Variants in HLCS observed in about 807,000 individuals in gnomAD.
The protein encoded by HLCS is holocarboxylase synthetase, also known as biotin--protein ligase.
HLCS carries 53 observed loss-of-function variants against 75.0 expected under a neutral mutation model. The observed-to-expected ratio is 0.71, with a 90% CI of 0.57 to 0.89. The LOEUF is 0.89. Among genes scored for constraint, HLCS ranks in the 40% least tolerant of loss-of-function variants. The pLI, the probability that HLCS is intolerant of heterozygous loss-of-function variation, is 0.00. For synonymous variants in HLCS, 431 were observed against 428.6 expected (o/e 1.01, Z -0.07); for missense variants, 966 against 1,074.0 (o/e 0.90, Z 1.41).
intron 5 of HLCS, among the ~76,000 whole-genome samples, chr21:36,920,378 T>TG (rs1295052865): frequency 1.3e-5 from 2 of 148,196 alleles, no homozygotes; most frequent in Non-Finnish European, 3.0e-5. Context: ...AGTGGGAAGG[T>TG]GGGGCAGAGA....
rs539754153 is a variant in HLCS, at chr21:36,854,342, G to A, written c.1892+42518C>T. Among the ~76,000 whole-genome samples the A allele has an allele frequency of 1.3e-3, 199 of 152,264 alleles. 2 individuals carry two copies. In the South Asian group the frequency reaches 0.016, roughly 12 times the overall value. On this transcript the variant is annotated intron_variant, in intron 6 of 10. Transcript: ENST00000674895. Reference sequence around the variant, plus strand: ...CTATTACTCTACCACAGGAACAAAAGCTCCCGGGGTTCCCACCAGAGACAG... The same window carrying A: ...CTATTACTCTACCACAGGAACAAAAACTCCCGGGGTTCCCACCAGAGACAG...
chr21:36,944,569 A>AT (rs1165246947), intron 2 of HLCS, among the ~76,000 whole-genome samples: 2 of 146,268 alleles, frequency 1.4e-5, no homozygotes, highest in Non-Finnish European at 1.5e-5. Flanking sequence ...CAATTTCTTT[A>AT]TTTTTTTTCC....
intron 5 of HLCS, among the ~76,000 whole-genome samples, chr21:36,915,003 C>T (rs1035406527): frequency 1.3e-5 from 2 of 152,258 alleles, no homozygotes; most frequent in Admixed American, 6.5e-5. Context: ...CCCAGAGGTG[C>T]CCATCCTAGC....
intron 9 of HLCS, among the ~76,000 whole-genome samples, chr21:36,759,470 G>A (rs952734979): frequency 2.0e-5 from 3 of 152,228 alleles, no homozygotes; most frequent in Non-Finnish European, 4.4e-5. Flanking sequence ...AGTAGCAGGA[G>A]TGTGGAAGGA....
At chr21:36,839,478 G>A (rs142689291) in intron 6 of HLCS, among the ~76,000 whole-genome samples, 6 of 152,320 alleles carry the variant, frequency 3.9e-5, no homozygotes, top group Admixed American at 6.5e-5. Flanking sequence ...TTTGCTCACT[G>A]ATGGAGTGTA....
intron 6 of HLCS, among the ~76,000 whole-genome samples, chr21:36,856,056 C>T (rs2063181182): frequency 6.6e-6 from 1 of 151,880 alleles, no homozygotes; most frequent in African/African-American, 2.4e-5. Flanking sequence ...ACACCCAGGG[C>T]TGGTGGGTGG....
chr21:36,987,255 G>A (rs2069245301), intron 1 of HLCS, among the ~76,000 whole-genome samples: 2 of 152,114 alleles, frequency 1.3e-5, no homozygotes, highest in South Asian at 4.1e-4. Context: ...AATGCTCATT[G>A]CTACTTGGGT....
upstream of HLCS, chr21:36,966,678 G>A: frequency 2.2e-6 from 2 of 923,622 alleles, no homozygotes; most frequent in Non-Finnish European, 2.6e-6. Flanking sequence ...TTGCCCGCCC[G>A]CCCCAGCGCC....
intron 6 of HLCS, among the ~76,000 whole-genome samples, chr21:36,841,325 C>T (rs1262931946): frequency 1.3e-5 from 2 of 152,192 alleles, no homozygotes; most frequent in Non-Finnish European, 2.9e-5. Context: ...ATAGTAGAGA[C>T]AATTTACAAT....
rs557744647 is a variant in HLCS, at chr21:36,989,075, CA to C, written c.-393+1082del. Among the ~76,000 whole-genome samples, 1,103 of 150,982 alleles carry C rather than the reference CA, an allele frequency of 7.3e-3. 6 individuals carry two copies. Among genetic ancestry groups the C allele is most frequent in the Non-Finnish European group, 0.013 (864 of 67,844 alleles). Reference sequence around the variant, plus strand: ...TTTTTGAGACAGGGTCTCACTCCCTCACCCAGGCTGGAGTGCAGAGCCGCCA... The same window carrying C: ...TTTTTGAGACAGGGTCTCACTCCCTCCCCAGGCTGGAGTGCAGAGCCGCCA... On this transcript the variant is annotated intron_variant, in intron 1 of 11. Coordinates refer to the HLCS transcript ENST00000336648.
intron 6 of HLCS, among the ~76,000 whole-genome samples, chr21:36,869,399 T>G (rs2063695479): frequency 6.6e-6 from 1 of 152,212 alleles, no homozygotes; most frequent in Non-Finnish European, 1.5e-5. Context: ...CCCAAAGTGC[T>G]GGGGTTACAG....
At chr21:36,852,714 T>G (rs1195896657) in intron 6 of HLCS, among the ~76,000 whole-genome samples, 1 of 152,158 alleles carries the variant, frequency 6.6e-6, no homozygotes, top group African/African-American at 2.4e-5. Context: ...GCCTGATCGT[T>G]AAGCCATATT....
intron 6 of HLCS, among the ~76,000 whole-genome samples, chr21:36,779,036 G>A (rs1394760316): frequency 6.6e-6 from 1 of 151,814 alleles, no homozygotes; most frequent in African/African-American, 2.4e-5. Flanking sequence ...GAAAATGTGT[G>A]CATGTGTGTC....
chr21:36,874,503 T>C (rs1410362856), intron 6 of HLCS, among the ~76,000 whole-genome samples: 1 of 152,222 alleles, frequency 6.6e-6, no homozygotes, highest in Non-Finnish European at 1.5e-5. Context: ...TTCTATTTTC[T>C]TGTTAATGCC....
At chr21:36,954,959 G>A (rs201634976) in intron 2 of HLCS, among the ~76,000 whole-genome samples, 1 of 152,162 alleles carries the variant, frequency 6.6e-6, no homozygotes, top group Admixed American at 6.5e-5. Context: ...CTACTTGGGA[G>A]GCTGAGGCAG....
Position 36,918,003 on chromosome 21 carries a change from G to A in HLCS, c.1620+12248C>T, listed in dbSNP as rs190366866. Among the ~76,000 whole-genome samples the A allele has an allele frequency of 1.2e-3, 179 of 149,248 alleles. 4 individuals carry two copies. The highest frequency in any genetic ancestry group is 0.012 in the Admixed American group (178 of 14,996). On this transcript the variant is annotated intron_variant, in intron 5 of 10. Coordinates refer to ENST00000674895, the MANE Select transcript of HLCS (RefSeq NM_001352514.2). ...TTTCAAAAGTAGAAAAATAAATAAA[G>A]AGAACTGTTTTAAAAGGGCTCAAGT...
chr21:36,956,459 T>C (rs779664706), intron 2 of HLCS, among the ~76,000 whole-genome samples: 3 of 152,236 alleles, frequency 2.0e-5, no homozygotes, highest in Non-Finnish European at 4.4e-5. Flanking sequence ...CCAGGTGTGG[T>C]GGCTCACACT....
At chr21:36,956,524 C>T (rs2067959606) in intron 2 of HLCS, among the ~76,000 whole-genome samples, 2 of 152,084 alleles carry the variant, frequency 1.3e-5, no homozygotes, top group Admixed American at 6.6e-5. Context: ...GTCAGGAGAT[C>T]AAGACCATTC....
At chr21:36,961,078 G>A (rs1402523286) in intron 2 of HLCS, among the ~76,000 whole-genome samples, 1 of 152,232 alleles carries the variant, frequency 6.6e-6, no homozygotes, top group Non-Finnish European at 1.5e-5. Flanking sequence ...CGGAAGCGAG[G>A]AGGAGGTGCG....
Sources: allele counts gnomAD v4.1 joint callset (sites outside exome capture counted in the v4.1 genomes callset), GRCh38; gene constraint gnomAD v4.1.1; transcripts MANE v1.5; gene names NCBI Gene and HGNC (gene_info 2026-07-23, HGNC 2026-07-21).